The following POLR1A variants were observed in gnomAD, a reference collection of about 807,000 sequenced individuals.
The protein encoded by POLR1A is RNA polymerase I subunit A, also known as DNA-directed RNA polymerase I subunit RPA1.
In POLR1A, 84 loss-of-function variants were observed where a neutral mutation model predicts 205.3. The observed-to-expected ratio is 0.41, with a 90% CI of 0.34 to 0.49. The LOEUF (loss-of-function observed/expected upper bound fraction) is 0.49, where lower values mean the gene tolerates loss of function less well. POLR1A is among the 20% of genes least tolerant of loss of function. POLR1A has a pLI of 0.22. For synonymous variants in POLR1A, 799 were observed against 863.7 expected (o/e 0.93, Z 1.31); for missense variants, 1,645 against 2,204.5 (o/e 0.75, Z 5.08).
At chr2:86,085,437 G>C (rs1673487337) in intron 6 of POLR1A, among the ~76,000 whole-genome samples, 1 of 152,234 alleles carries the variant, frequency 6.6e-6, no homozygotes, top group Non-Finnish European at 1.5e-5. Context: ...ATGCAATGAA[G>C]AATGGCCTTG....
At chr2:86,068,386 C>CGGGGGGGGGGGGGGGGGG (rs543719645) in intron 13 of POLR1A, among the ~76,000 whole-genome samples, 1 of 12,238 alleles carries the variant, frequency 8.2e-5, no homozygotes, top group African/African-American at 4.5e-4. Context: ...AGCACATGGG[C>CGGGGGGGGGGGGGGGGGG]GGGGGGGGGG....
rs1312564899 is a variant in POLR1A, at chr2:86,027,149, C to G, written c.*274G>C. The G allele has an allele frequency of 2.9e-5, 15 of 518,512 alleles. No homozygotes were observed. Among genetic ancestry groups the G allele is most frequent in the Non-Finnish European group, 3.8e-5 (11 of 286,232 alleles). The allele number at this position is 518,512 out of a possible 1,614,324, so 32.1% of individuals were successfully genotyped here. ...GGCCTCCTGCAGCACAGGTGAGGCC[C>G]CAGCCATCTCAGGGGGACTCAGAAG... is the stretch of plus-strand genomic sequence containing the variant. On this transcript the variant is annotated 3_prime_UTR_variant, in exon 34 of 34. Transcript: ENST00000263857.
At chr2:86,049,487 C>T (rs1672763531) in intron 16 of POLR1A, among the ~76,000 whole-genome samples, 1 of 152,172 alleles carries the variant, frequency 6.6e-6, no homozygotes, top group Non-Finnish European at 1.5e-5. Flanking sequence ...GGCTACTTTC[C>T]CATGGTCGTA....
chr2:86,023,572 A>C lies in POLR1A; in HGVS notation c.*3851T>G, dbSNP rs1450393201. 1 of 152,132 alleles carries C rather than the reference A, an allele frequency of 6.6e-6. No homozygotes were observed. The highest frequency in any genetic ancestry group is 1.5e-5 in the Non-Finnish European group (1 of 68,022). 9.4% of individuals were successfully genotyped at this position (152,132 alleles called of 1,614,324 possible). On this transcript the variant is annotated 3_prime_UTR_variant, in exon 34 of 34. Transcript: ENST00000263857. ...CCTCATACACATTAGGGTGGCTACT[A>C]TTAACAAGAACAAGGATGTGGAGAA...
chr2:86,100,785 C>T (rs6739267), intron 1 of POLR1A, among the ~76,000 whole-genome samples: 38 of 152,170 alleles, frequency 2.5e-4, no homozygotes, highest in African/African-American at 8.9e-4. Flanking sequence ...TAGAGATCCG[C>T]CTGCCTCAGC....
Position 86,030,330 on chromosome 2 carries a change from G to A in POLR1A, c.4645C>T (p.His1549Tyr). The part of the protein sequence containing the change: ...DMSSLVVSLA[H>Y]GAVIYATKGI... Reference sequence around the variant, plus strand: ...TTGGTCGCATAGATGACGGCACCATGGGCCAAAGATACTACCAGGGAGCTC... The same window carrying A: ...TTGGTCGCATAGATGACGGCACCATAGGCCAAAGATACTACCAGGGAGCTC... Residue 1549 changes from histidine to tyrosine, a missense_variant, in exon 31 of 34, where the codon CAT (histidine) becomes TAT (tyrosine). Coordinates refer to ENST00000263857, the MANE Select transcript of POLR1A (RefSeq NM_015425.6). 6.2e-7 allele frequency: 1 copy of A among 1,614,060 alleles called. No individual in the cohort carries two copies. Among genetic ancestry groups the A allele is most frequent in the Non-Finnish European group, 8.5e-7 (1 of 1,179,916 alleles).
intron 28 of POLR1A, among the ~76,000 whole-genome samples, chr2:86,033,265 T>C (rs1411172725): frequency 1.3e-5 from 2 of 152,282 alleles, no homozygotes; most frequent in Non-Finnish European, 2.9e-5. Flanking sequence ...GCCAGTGCCC[T>C]GGTGGGCCTC....
chr2:86,040,298 T>C, intron 25 of POLR1A, 94 bp downstream of exon 25: 1 of 1,005,472 alleles, frequency 9.9e-7, no homozygotes, highest in South Asian at 2.1e-5. Context: ...CACTCTCTCA[T>C]TCACACACAC....
chr2:86,043,360 A>G (rs1672652351), intron 22 of POLR1A, among the ~76,000 whole-genome samples, 165 bp from the exon 23 acceptor site: 1 of 152,198 alleles, frequency 6.6e-6, no homozygotes, highest in African/African-American at 2.4e-5. Flanking sequence ...CTGAGCATCC[A>G]TTGTTAATCA....
At chr2:86,071,984 G>A (rs1466051901) in intron 12 of POLR1A, among the ~76,000 whole-genome samples, 2 of 152,162 alleles carry the variant, frequency 1.3e-5, no homozygotes, top group African/African-American at 2.4e-5. Context: ...ATTATTGGAA[G>A]TCTAGTTTCT....
At chr2:86,080,086 T>G (rs1038162841) in intron 9 of POLR1A, among the ~76,000 whole-genome samples, 1 of 152,104 alleles carries the variant, frequency 6.6e-6, no homozygotes, top group Non-Finnish European at 1.5e-5. Context: ...CGCCACCTTG[T>G]GATGGGCCTG....
At chr2:86,044,373 T>C (rs762082896) in intron 21 of POLR1A, 69 bp from the exon 22 acceptor site, 1 of 1,551,798 alleles carries the variant, frequency 6.4e-7, no homozygotes, top group Non-Finnish European at 8.9e-7. Context: ...TGATGAGGGT[T>C]GGGGGCAGTG....
At chr2:86,105,327 G>C (rs1211744067) in intron 1 of POLR1A, among the ~76,000 whole-genome samples, 1 of 152,250 alleles carries the variant, frequency 6.6e-6, no homozygotes, top group African/African-American at 2.4e-5. Context: ...ACACTTGAAG[G>C]ACAATCATTT....
chr2:86,045,963 A>AC (rs1213082790), intron 19 of POLR1A, among the ~76,000 whole-genome samples, 194 bp from the exon 20 acceptor site: 1 of 152,206 alleles, frequency 6.6e-6, no homozygotes, highest in Non-Finnish European at 1.5e-5. Flanking sequence ...CCTTTGGTTG[A>AC]CTGATCTGGA....
rs116166267 is a variant in POLR1A at position 86,079,515 on chromosome 2, C to T, written c.1087-1231G>A. Reference sequence around the variant, plus strand: ...CATAGGAATCAGAGGATGCTATTTGCCCCTCAGAGGCGAAGCATTTGTTTG... The same window carrying T: ...CATAGGAATCAGAGGATGCTATTTGTCCCTCAGAGGCGAAGCATTTGTTTG... On this transcript the variant is annotated intron_variant, in intron 9 of 33. Transcript: ENST00000263857. 2.8e-3 allele frequency among the ~76,000 whole-genome samples: 427 copies of T among 152,240 alleles called. 4 individuals are homozygous for T. Among genetic ancestry groups the T allele is most frequent in the African/African-American group, 9.8e-3 (409 of 41,540 alleles).
At chr2:86,090,168 C>T (rs978351423) in intron 3 of POLR1A, among the ~76,000 whole-genome samples, 43 of 152,076 alleles carry the variant, frequency 2.8e-4, no homozygotes, top group South Asian at 4.2e-4. Context: ...CAGAGGCAGG[C>T]GGATCACTAG....
At chr2:86,078,387 T>G in intron 9 of POLR1A, 103 bp from the exon 10 acceptor site, 2 of 842,992 alleles carry the variant, frequency 2.4e-6, no homozygotes, top group East Asian at 2.6e-5. Flanking sequence ...AACTATGCAC[T>G]CTGGAGTTTA....
At position 86,048,989 on chromosome 2, in the gene POLR1A, T is replaced by C. The variant is rs1386142920; in HGVS notation, c.2529A>G (p.Arg843=). Residue 843 remains arginine, a synonymous_variant, in exon 18 of 34, where the codon CGA becomes CGG. Coordinates refer to ENST00000263857, the MANE Select transcript of POLR1A (RefSeq NM_015425.6). ...CCAGATGGGCATCCTGCCATTTTCCTCGGACCTCATCATATGATGCGGCTT... is the reference window on the plus strand; with the variant it reads ...CCAGATGGGCATCCTGCCATTTTCCCCGGACCTCATCATATGATGCGGCTT... ...LPEAASYDEV[R]GKWQDAHLGK... 1.9e-6 allele frequency: 3 copies of C among 1,614,088 alleles called. No homozygotes were observed. The highest frequency in any genetic ancestry group is 2.5e-6 in the Non-Finnish European group (3 of 1,180,006).
intron 3 of POLR1A, among the ~76,000 whole-genome samples, chr2:86,091,278 T>C (rs1373874924): frequency 6.6e-6 from 1 of 152,222 alleles, no homozygotes; most frequent in Non-Finnish European, 1.5e-5. Flanking sequence ...TATTTTTACA[T>C]TTATTTTTAT....
Sources: allele counts gnomAD v4.1 joint callset (sites outside exome capture counted in the v4.1 genomes callset), GRCh38; gene constraint gnomAD v4.1.1; transcripts MANE v1.5; gene names NCBI Gene and HGNC (gene_info 2026-07-23, HGNC 2026-07-21).